Variants in CES4A observed in about 807,000 individuals in gnomAD.
CES4A encodes the protein carboxylesterase 4A, also known as carboxylesterase 6.
A neutral mutation model predicts 65.4 loss-of-function variants in CES4A; 48 were observed. The observed-to-expected ratio is 0.73, with a 90% CI of 0.58 to 0.93. CES4A has a LOEUF of 0.93. CES4A is among the 40% of genes least tolerant of loss of function. The pLI, the probability that CES4A is intolerant of heterozygous loss-of-function variation, is 0.00. For missense variants in CES4A, 685 were observed against 728.5 expected (o/e 0.94, Z 0.69); for synonymous variants, 247 against 281.8 (o/e 0.88, Z 1.24).
intron 1 of CES4A, among the ~76,000 whole-genome samples, chr16:66,993,833 G>A (rs1011966920): frequency 1.3e-5 from 2 of 152,132 alleles, no homozygotes; most frequent in African/African-American, 4.8e-5. Flanking sequence ...CGGGCGCGGT[G>A]GCTCATGCCT....
At position 67,000,559 on chromosome 16, in the gene CES4A, T is replaced by C; in HGVS notation, c.261-79T>C. The C allele has an allele frequency of 1.3e-6, 2 of 1,489,304 alleles. No homozygotes were observed. The highest frequency in any genetic ancestry group is 1.8e-6 in the Non-Finnish European group (2 of 1,113,838). The allele number at this position is 1,489,304 out of a possible 1,614,324, so 92.3% of individuals were successfully genotyped here. On this transcript the variant is annotated intron_variant, in intron 2 of 13. Transcript: ENST00000648724. This position sits in a 1 kb window ranked among gnomAD's most constrained non-coding sequence, Gnocchi z 4.2. Reference sequence around the variant, plus strand: ...CGCACAGACGCTGCCTGGATTTTGCTTTGGGTTCCGTCTTCTCACTGCGGA... The same window carrying C: ...CGCACAGACGCTGCCTGGATTTTGCCTTGGGTTCCGTCTTCTCACTGCGGA...
In CES4A at chr16:66,995,616, T is replaced by C. The variant is rs1242582465; in HGVS notation, c.59-12T>C. On this transcript the variant is annotated splice_polypyrimidine_tract_variant and intron_variant, in intron 1 of 13. Coordinates refer to ENST00000648724, the Ensembl canonical transcript of CES4A. Reference sequence around the variant, plus strand: ...ACTGAGCAGAGGTGACCCTTTTCCCTTCTCTTCCCAGGTGCCTTGCACACC... The same window carrying C: ...ACTGAGCAGAGGTGACCCTTTTCCCCTCTCTTCCCAGGTGCCTTGCACACC... 10 of 1,612,960 alleles carry C rather than the reference T, an allele frequency of 6.2e-6. No individual in the cohort carries two copies. Among genetic ancestry groups the C allele is most frequent in the Non-Finnish European group, 8.5e-6 (10 of 1,179,094 alleles).
intron 2 of CES4A, among the ~76,000 whole-genome samples, chr16:66,999,661 G>T (rs539307926): frequency 6.6e-6 from 1 of 152,232 alleles, no homozygotes; most frequent in African/African-American, 2.4e-5. Flanking sequence ...AATTAGCTGG[G>T]TGTGATGGCG....
rs184586008 is a variant in CES4A, at chr16:66,994,795, C to T, written c.59-833C>T. 2.0e-3 allele frequency among the ~76,000 whole-genome samples: 293 copies of T among 149,966 alleles called. 1 individual carries two copies. The highest frequency in any genetic ancestry group is 6.4e-3 in the African/African-American group (259 of 40,486). On this transcript the variant is annotated intron_variant, in intron 1 of 13. Coordinates refer to ENST00000648724, the Ensembl canonical transcript of CES4A. ...CAGAGGTTGCGGTGAGCCGAGATCACGCCATTGTACTCCAGCCTGGGCAAA... is the reference window on the plus strand; with the variant it reads ...CAGAGGTTGCGGTGAGCCGAGATCATGCCATTGTACTCCAGCCTGGGCAAA...
At chr16:66,995,980 A>G in intron 2 of CES4A, 151 bp downstream of exon 2, 1 of 725,894 alleles carries the variant, frequency 1.4e-6, no homozygotes, top group South Asian at 1.5e-5. Flanking sequence ...GACCCGTATC[A>G]TGAGCAAACT....
At position 67,000,633 on chromosome 16, in the gene CES4A, C is replaced by G. The variant is rs1567579146; in HGVS notation, c.261-5C>G. On this transcript the variant is annotated splice_polypyrimidine_tract_variant and splice_region_variant and intron_variant, in intron 2 of 13. Transcript: ENST00000648724. This position sits in a 1 kb window ranked among gnomAD's most constrained non-coding sequence, Gnocchi z 4.2. ...GCGGCCGCCGCCGCTACCTGGTGCC[C>G]GCAGGTGCCTGCAGGAGTCCTGGGG... The G allele has an allele frequency of 3.2e-6, 5 of 1,543,246 alleles. No homozygotes were observed. The Admixed American group carries it at 1.0e-4, about 31-fold the overall frequency.
Position 67,000,470 on chromosome 16 carries a change from G to C in CES4A, c.261-168G>C. ...AGGCCAACCTGCCTCCCAGTCCTGG[G>C]CCCCGGGGCTGGCGGAGGCCTCCTG... On this transcript the variant is annotated intron_variant, in intron 2 of 13. Coordinates refer to ENST00000648724, the Ensembl canonical transcript of CES4A. The surrounding 1 kb of genome is among the most constrained non-coding windows in gnomAD (Gnocchi z 4.2). The C allele has an allele frequency of 7.0e-7, 1 of 1,422,848 alleles. No homozygotes were observed. The highest frequency in any genetic ancestry group is 2.6e-4 in the Middle Eastern group (1 of 3,820). The allele number at this position is 1,422,848 out of a possible 1,614,324, so 88.1% of individuals were successfully genotyped here.
Position 67,006,375 on chromosome 16 carries a change from G to A in CES4A, c.1316-16G>A. 1 of 1,536,568 alleles carries A rather than the reference G, an allele frequency of 6.5e-7. No homozygotes were observed. The highest frequency in any genetic ancestry group is 8.7e-7 in the Non-Finnish European group (1 of 1,147,016). ...GAGGCTTTTCCTGCATCCCTCCTCA[G>A]TTTCCCTATTCACAGATGCCGGCCT... On this transcript the variant is annotated splice_polypyrimidine_tract_variant and intron_variant, in intron 11 of 13. Transcript: ENST00000648724.
At chr16:67,007,964 TTTAG>T (rs1415919484) in intron 13 of CES4A, 29 of 152,358 alleles carry the variant, frequency 1.9e-4, no homozygotes, top group African/African-American at 6.5e-4. Flanking sequence ...TTTTTGTATC[TTTAG>T]TAGAGACGAG....
intron 11 of CES4A, chr16:67,005,684 T>G: frequency 3.2e-6 from 1 of 308,374 alleles, no homozygotes; most frequent in Non-Finnish European, 6.0e-6. Flanking sequence ...CCATCTCTAC[T>G]AAAAGTACAA....
Position 67,003,963 on chromosome 16 carries a change from C to A in CES4A, c.940-121C>A. On this transcript the variant is annotated intron_variant, in intron 8 of 13. Coordinates refer to ENST00000648724, the Ensembl canonical transcript of CES4A. The surrounding 1 kb of genome is among the most constrained non-coding windows in gnomAD (Gnocchi z 4.2). Reference sequence around the variant, plus strand: ...ATCCTCCTGGGGCTCACCATGCCAGCCCCAGCCTTTTCCCAATCAAAGAAC... The same window carrying A: ...ATCCTCCTGGGGCTCACCATGCCAGACCCAGCCTTTTCCCAATCAAAGAAC... The A allele has an allele frequency of 9.4e-7, 1 of 1,061,678 alleles. No homozygotes were observed. The highest frequency in any genetic ancestry group is 1.4e-6 in the Non-Finnish European group (1 of 709,076). The allele number at this position is 1,061,678 out of a possible 1,614,324, so 65.8% of individuals were successfully genotyped here. A position where few individuals can be genotyped will look rare whatever the true frequency, so the allele number is the denominator to read the frequency against.
intron 5 of CES4A, among the ~76,000 whole-genome samples, chr16:67,002,324 A>G (rs1965423742): frequency 6.6e-6 from 1 of 152,184 alleles, no homozygotes; most frequent in Non-Finnish European, 1.5e-5. Context: ...TCAGATGTGC[A>G]TTTAGAGAGA....
In CES4A at chr16:67,001,208, AG is replaced by A. The variant is rs1222724961; in HGVS notation, c.537-96del. 1.4e-6 allele frequency: 2 copies of A among 1,399,346 alleles called. No homozygotes were observed. Among genetic ancestry groups the A allele is most frequent in the East Asian group, 5.0e-5 (2 of 39,968 alleles). 86.7% of individuals were successfully genotyped at this position (1,399,346 alleles called of 1,614,324 possible). A position where few individuals can be genotyped will look rare whatever the true frequency, so the allele number is the denominator to read the frequency against. ...GTGTGGTCGCAGGACTGGGTCTTAG[AG>A]GGGCAAGGCTGGGCTGGGTGGGGGA... On this transcript the variant is annotated intron_variant, in intron 4 of 13. Coordinates refer to ENST00000648724, the Ensembl canonical transcript of CES4A. The surrounding 1 kb of genome is among the most constrained non-coding windows in gnomAD (Gnocchi z 4.1).
At chr16:67,002,942 C>T in intron 5 of CES4A, 128 bp from the exon 6 acceptor site, 1 of 754,066 alleles carries the variant, frequency 1.3e-6, no homozygotes, top group Non-Finnish European at 2.4e-6. Context: ...GGACTCCTGA[C>T]TCCCTCCCAG....
intron 2 of CES4A, chr16:66,996,095 T>C (rs1303289661): frequency 1.8e-6 from 1 of 560,226 alleles, no homozygotes; most frequent in African/African-American, 1.9e-5. Context: ...TGGAGTGCAG[T>C]GGCACGATCT....
chr16:67,000,532 C>A lies in CES4A; in HGVS notation c.261-106C>A. ...GCACGCACATGCGCACGCACACGCA[C>A]GCGCACAGACGCTGCCTGGATTTTG... is the stretch of plus-strand genomic sequence containing the variant. On this transcript the variant is annotated intron_variant, in intron 2 of 13. Transcript: ENST00000648724. This position sits in a 1 kb window ranked among gnomAD's most constrained non-coding sequence, Gnocchi z 4.2. 4 of 1,465,672 alleles carry A rather than the reference C, an allele frequency of 2.7e-6. No homozygotes were observed. The highest frequency in any genetic ancestry group is 2.7e-6 in the Non-Finnish European group (3 of 1,104,878). 90.8% of individuals were successfully genotyped at this position (1,465,672 alleles called of 1,614,324 possible). A position where few individuals can be genotyped will look rare whatever the true frequency, so the allele number is the denominator to read the frequency against.
intron 11 of CES4A, 30 bp downstream of exon 11, chr16:67,005,423 T>A: frequency 6.2e-7 from 1 of 1,608,146 alleles, no homozygotes; most frequent in Non-Finnish European, 8.5e-7. Context: ...GTGGCCACAC[T>A]GGCCCCGTCC....
chr16:66,997,192 A>T (rs1830060292), intron 2 of CES4A, among the ~76,000 whole-genome samples: 3 of 152,194 alleles, frequency 2.0e-5, no homozygotes, highest in Admixed American at 2.0e-4. Context: ...ACATTCTGTG[A>T]CTTATTTAGA....
rs1965508184 is a variant in CES4A, at chr16:67,003,444, C to T, written c.901-71C>T. 6.3e-7 allele frequency: 1 copy of T among 1,590,454 alleles called. No individual in the cohort carries two copies. The highest frequency in any genetic ancestry group is 1.7e-5 in the Admixed American group (1 of 59,986). On this transcript the variant is annotated intron_variant, in intron 7 of 13. Coordinates refer to ENST00000648724, the Ensembl canonical transcript of CES4A. The surrounding 1 kb of genome is among the most constrained non-coding windows in gnomAD (Gnocchi z 4.2). ...GTACCCAGCCACCCCCAACTACTTC[C>T]CCAGGGACCCTGTCTCAAGAGCACA...
Sources: gnomAD v4.1 joint callset for allele counts (sites outside exome capture counted in the v4.1 genomes callset) on GRCh38, gnomAD v4.1.1 for gene constraint, Gnocchi (gnomAD v3.1) non-coding constraint, MANE v1.5 for transcripts, NCBI Gene and HGNC (gene_info 2026-07-23, HGNC 2026-07-21) for gene names.